The following NUP210L variants were observed in gnomAD, a reference collection of about 807,000 sequenced individuals.
NUP210L encodes nucleoporin 210 like.
In NUP210L, 74 loss-of-function variants were observed where a neutral mutation model predicts 208.5. The observed-to-expected ratio is 0.35, with a 90% CI of 0.29 to 0.43. The LOEUF is 0.43. Ranked by LOEUF, NUP210L falls within the 20% of genes least tolerant of loss-of-function variation. NUP210L has a pLI of 1.00. For synonymous variants in NUP210L, 780 were observed against 816.9 expected (o/e 0.95, Z 0.77); for missense variants, 1,843 against 2,289.4 (o/e 0.81, Z 3.98).
At chr1:153,995,613 T>C in intron 37 of NUP210L, 1 of 978,260 alleles carries the variant, frequency 1.0e-6, no homozygotes, top group Non-Finnish European at 1.6e-6. Flanking sequence ...TCCAGGGACG[T>C]TGTCTGCAGG....
At chr1:154,086,966 G>C (rs1239182308) in intron 16 of NUP210L, among the ~76,000 whole-genome samples, 1 of 152,150 alleles carries the variant, frequency 6.6e-6, no homozygotes, top group African/African-American at 2.4e-5. Context: ...AATTGGCAAA[G>C]GATCTGAATA....
intron 3 of NUP210L, among the ~76,000 whole-genome samples, chr1:154,142,745 C>T (rs532276730): frequency 5.9e-5 from 9 of 152,048 alleles, no homozygotes; most frequent in South Asian, 2.1e-4. Flanking sequence ...CAAACATTAA[C>T]GGGTGTGGTG....
intron 27 of NUP210L, among the ~76,000 whole-genome samples, chr1:154,045,841 C>T (rs796791304): frequency 1.4e-4 from 22 of 152,160 alleles, no homozygotes; most frequent in East Asian, 7.8e-4. Flanking sequence ...AAAAATTAGC[C>T]AGGCATGATG....
chr1:154,079,682 C>A (rs199622884), intron 16 of NUP210L: 10 of 146,754 alleles, frequency 6.8e-5, no homozygotes, highest in Admixed American at 6.8e-5. Flanking sequence ...AAAAGCCATA[C>A]AAAAAAAAAA....
intron 2 of NUP210L, among the ~76,000 whole-genome samples, chr1:154,148,337 G>A (rs1297866594): frequency 2.0e-5 from 3 of 151,786 alleles, no homozygotes; most frequent in Admixed American, 6.6e-5. Context: ...ACAAAACTTA[G>A]CTGGGCATGG....
intron 17 of NUP210L, among the ~76,000 whole-genome samples, chr1:154,064,355 G>A (rs1571228843): frequency 6.6e-6 from 1 of 152,082 alleles, no homozygotes; most frequent in Non-Finnish European, 1.5e-5. Flanking sequence ...ACAAGCAGAA[G>A]CTTAATAAGC....
At chr1:154,050,810 A>G (rs763837397) in intron 25 of NUP210L, among the ~76,000 whole-genome samples, 2 of 152,224 alleles carry the variant, frequency 1.3e-5, no homozygotes, top group African/African-American at 2.4e-5. Context: ...AACCAATTGA[A>G]GATGCTGAAA....
intron 7 of NUP210L, among the ~76,000 whole-genome samples, chr1:154,132,177 G>A (rs1252564830): frequency 2.0e-5 from 3 of 152,002 alleles, no homozygotes; most frequent in Non-Finnish European, 2.9e-5. Flanking sequence ...TTTCCCATAC[G>A]AACCTTAAAA....
chr1:153,993,191 A>G (rs1043260231), intron 38 of NUP210L, 102 bp from the exon 39 acceptor site: 20 of 736,772 alleles, frequency 2.7e-5, no homozygotes, highest in African/African-American at 3.6e-5. Flanking sequence ...ATTCTTAAAA[A>G]TAAGTAATAG....
At chr1:154,099,950 T>G in intron 14 of NUP210L, 48 bp downstream of exon 14, 1 of 1,584,194 alleles carries the variant, frequency 6.3e-7, no homozygotes, top group Non-Finnish European at 8.7e-7. Flanking sequence ...GCAGACATAG[T>G]TAAGTCCATT....
chr1:154,078,117 CA>C (rs1655135693), intron 16 of NUP210L, among the ~76,000 whole-genome samples: 1 of 146,720 alleles, frequency 6.8e-6, no homozygotes, highest in African/African-American at 2.5e-5. Context: ...CCAGCCTGGG[CA>C]ACACAGCGAG....
intron 33 of NUP210L, among the ~76,000 whole-genome samples, chr1:154,015,630 A>C (rs780444112): frequency 1.3e-4 from 19 of 151,872 alleles, no homozygotes; most frequent in Non-Finnish European, 2.2e-4. Flanking sequence ...TGAGGTAGGA[A>C]AATTGCTTGA....
intron 4 of NUP210L, among the ~76,000 whole-genome samples, chr1:154,140,618 G>A (rs974682004): frequency 2.7e-5 from 4 of 148,198 alleles, no homozygotes; most frequent in African/African-American, 9.8e-5. Context: ...AGTGAGCCGA[G>A]ATCGTGTCAC....
chr1:154,050,443 G>A (rs766815013), intron 25 of NUP210L, among the ~76,000 whole-genome samples: 2 of 152,164 alleles, frequency 1.3e-5, no homozygotes, highest in Non-Finnish European at 2.9e-5. Flanking sequence ...CTCCAGATTT[G>A]CTAATGTTTT....
chr1:153,992,793 C>G (rs778638137), exon 40 of NUP210L: 2 of 1,350,670 alleles, frequency 1.5e-6, no homozygotes, highest in Non-Finnish European at 2.1e-6. Flanking sequence ...GACTAGAAAT[C>G]TTCATTCCCC....
chr1:154,056,457 C>T (rs1157020516), intron 23 of NUP210L, among the ~76,000 whole-genome samples: 1 of 152,106 alleles, frequency 6.6e-6, no homozygotes, highest in Non-Finnish European at 1.5e-5. Flanking sequence ...CTCTGTCACT[C>T]AGGCTGGAGT....
chr1:154,006,966 A>ATATATATATAT lies in NUP210L; in HGVS notation c.4930+3005_4930+3006insATATATATATA, dbSNP rs1211789619. On this transcript the variant is annotated intron_variant, in intron 35 of 39. Coordinates refer to ENST00000368559, the Ensembl canonical transcript of NUP210L. ...TGTGTGTATATATATATATATATAT[A>ATATATATATAT]TTTTTTTTTTTTTTTTAAATGGAGT... Among the ~76,000 whole-genome samples the ATATATATATAT allele has an allele frequency of 8.2e-4, 95 of 115,786 alleles. 1 individual carries two copies. The highest frequency in any genetic ancestry group is 1.2e-3 in the Non-Finnish European group (70 of 59,280). The allele number at this position is 115,786 out of a possible 152,430, so 76.0% of individuals were successfully genotyped here.
chr1:154,117,652 TAAAG>T, intron 12 of NUP210L, 69 bp downstream of exon 12: 2 of 1,191,086 alleles, frequency 1.7e-6, no homozygotes, highest in Non-Finnish European at 2.4e-6. Context: ...GCTCTTTTTT[TAAAG>T]TGTGTTAATT....
chr1:154,044,648 T>C (rs1035553343), intron 27 of NUP210L, among the ~76,000 whole-genome samples: 5 of 152,176 alleles, frequency 3.3e-5, no homozygotes, highest in African/African-American at 1.2e-4. Context: ...TGCCGAAATA[T>C]CCTCGTAATT....
Sources: allele counts gnomAD v4.1 joint callset (sites outside exome capture counted in the v4.1 genomes callset), GRCh38; gene constraint gnomAD v4.1.1; transcripts MANE v1.5; gene names NCBI Gene and HGNC (gene_info 2026-07-23, HGNC 2026-07-21).